ATP2C1: variants seen among roughly 807,000 people sequenced by gnomAD.
ATP2C1 encodes ATPase secretory pathway Ca2+ transporting 1.
A neutral mutation model predicts 120.5 loss-of-function variants in ATP2C1; 31 were observed. The observed-to-expected ratio is 0.26, with a 90% CI of 0.19 to 0.35. The LOEUF is 0.35. Ranked by LOEUF, ATP2C1 falls within the 10% of genes least tolerant of loss-of-function variation. The pLI is 1.00. For missense variants in ATP2C1, 731 were observed against 1,107.5 expected, an observed-to-expected ratio of 0.66 and a Z score of 4.83; for synonymous variants, 351 against 358.7, an observed-to-expected ratio of 0.98 and a Z score of 0.24.
rs572500864 is a variant in ATP2C1, at chr3:130,945,288, A to G, written c.531+3589A>G. ...TGATAACCAATGGATTGGTCGGACAATGACTTTAGATGAAGCAATCTTATT... is the reference window on the plus strand; with the variant it reads ...TGATAACCAATGGATTGGTCGGACAGTGACTTTAGATGAAGCAATCTTATT... On this transcript the variant is annotated intron_variant, in intron 8 of 27. Transcript: ENST00000510168. Among the ~76,000 whole-genome samples, 14 of 152,328 alleles carry G rather than the reference A, an allele frequency of 9.2e-5. No individual in the cohort carries two copies. In the East Asian group the frequency reaches 2.3e-3, roughly 25 times the overall value.
At chr3:130,913,971 C>T (rs964757333) in intron 2 of ATP2C1, among the ~76,000 whole-genome samples, 6 of 151,986 alleles carry the variant, frequency 3.9e-5, no homozygotes, top group African/African-American at 1.5e-4. Flanking sequence ...GATTGTTTTC[C>T]GAGGATTAAG....
chr3:130,856,332 T>A (rs1194214750), intron 1 of ATP2C1: 1 of 152,194 alleles, frequency 6.6e-6, no homozygotes, highest in Non-Finnish European at 1.5e-5. Context: ...TCATACTTAC[T>A]CTGAATGATA....
intron 1 of ATP2C1, among the ~76,000 whole-genome samples, chr3:130,866,065 A>T (rs767587325): frequency 2.6e-5 from 4 of 152,174 alleles, no homozygotes; most frequent in Non-Finnish European, 5.9e-5. Flanking sequence ...TTATATATGC[A>T]TAATTATCCT....
chr3:130,936,206 T>TG (rs2059662946), intron 5 of ATP2C1, among the ~76,000 whole-genome samples: 1 of 148,992 alleles, frequency 6.7e-6, no homozygotes, highest in Non-Finnish European at 1.5e-5. Flanking sequence ...CAAATGTGTG[T>TG]TTTTTTTAAA....
At chr3:130,917,952 T>C (rs562850006) in intron 2 of ATP2C1, among the ~76,000 whole-genome samples, 2 of 152,340 alleles carry the variant, frequency 1.3e-5, no homozygotes, top group East Asian at 1.9e-4. Context: ...GATTCACCCA[T>C]GTTGTGCCAT....
At chr3:130,971,544 T>C (rs148068030) in intron 17 of ATP2C1, among the ~76,000 whole-genome samples, 1 of 152,288 alleles carries the variant, frequency 6.6e-6, no homozygotes, top group East Asian at 1.9e-4. Flanking sequence ...CATGACAATA[T>C]ATATTTATCT....
chr3:130,913,750 T>C (rs2108155881), intron 2 of ATP2C1, among the ~76,000 whole-genome samples: 1 of 152,318 alleles, frequency 6.6e-6, no homozygotes, highest in Non-Finnish European at 1.5e-5. Flanking sequence ...ATTAGTCCCC[T>C]AAACTGGATT....
At chr3:130,931,260 G>T (rs2059437126) in intron 3 of ATP2C1, among the ~76,000 whole-genome samples, 1 of 151,942 alleles carries the variant, frequency 6.6e-6, no homozygotes, top group African/African-American at 2.4e-5. Flanking sequence ...CAACTATTTT[G>T]GGGGTACAGA....
At chr3:131,005,668 A>AT (rs568383246), downstream of ATP2C1, among the ~76,000 whole-genome samples, 478 of 152,104 alleles carry the variant, frequency 3.1e-3, 1 homozygote, top group Non-Finnish European at 4.8e-3. Context: ...ACAAGCATCC[A>AT]TTTTTTTTGT....
At chr3:131,005,452 C>G (rs754091598), downstream of ATP2C1, among the ~76,000 whole-genome samples, 2 of 152,070 alleles carry the variant, frequency 1.3e-5, no homozygotes, top group Non-Finnish European at 2.9e-5. Context: ...ATTGACATGA[C>G]TGGACAGGAG....
At position 130,934,854 on chromosome 3, in the gene ATP2C1, G is replaced by T; in HGVS notation, c.324+143G>T. 4 of 675,200 alleles carry T rather than the reference G, an allele frequency of 5.9e-6. No individual in the cohort carries two copies. In the South Asian group the frequency reaches 6.9e-5, roughly 12 times the overall value. 41.8% of individuals were successfully genotyped at this position (675,200 alleles called of 1,614,324 possible). A position where few individuals can be genotyped will look rare whatever the true frequency, so the allele number is the denominator to read the frequency against. On this transcript the variant is annotated intron_variant, in intron 5 of 27. Transcript: ENST00000510168. ...GCTTTTATTTTATTCTTTTTGTTGCGACAGTTTCTTGTTGTATTGCCCAGG... is the reference window on the plus strand; with the variant it reads ...GCTTTTATTTTATTCTTTTTGTTGCTACAGTTTCTTGTTGTATTGCCCAGG...
intron 20 of ATP2C1, among the ~76,000 whole-genome samples, chr3:130,989,259 A>AC (rs1463761987): frequency 6.9e-5 from 10 of 145,088 alleles, no homozygotes; most frequent in Non-Finnish European, 1.4e-4. Context: ...AAAAAAAAAA[A>AC]AACAAAAAAA....
At chr3:131,014,552 A>G (rs1309401795) in intron 26 of ATP2C1, among the ~76,000 whole-genome samples, 4 of 152,224 alleles carry the variant, frequency 2.6e-5, no homozygotes, top group Admixed American at 2.6e-4. Flanking sequence ...GAAGGAAGGA[A>G]CTGAGCTGGT....
intron 2 of ATP2C1, among the ~76,000 whole-genome samples, chr3:130,920,437 C>G (rs1167178250): frequency 1.3e-5 from 2 of 152,000 alleles, no homozygotes; most frequent in Admixed American, 1.3e-4. Flanking sequence ...CATTCCTTTC[C>G]TCATTGTATA....
At chr3:130,883,309 T>G (rs920407795) in intron 1 of ATP2C1, among the ~76,000 whole-genome samples, 4 of 152,188 alleles carry the variant, frequency 2.6e-5, no homozygotes, top group African/African-American at 9.6e-5. Flanking sequence ...TTTGTTTCAT[T>G]GACATTTTTA....
At chr3:130,904,336 G>A (rs572497649) in intron 2 of ATP2C1, among the ~76,000 whole-genome samples, 6 of 151,962 alleles carry the variant, frequency 3.9e-5, no homozygotes, top group African/African-American at 9.6e-5. Context: ...CATCTGTTAA[G>A]CTTTTCAGTC....
intron 1 of ATP2C1, among the ~76,000 whole-genome samples, chr3:130,855,402 T>G (rs945206757): frequency 6.6e-6 from 1 of 152,042 alleles, no homozygotes; most frequent in African/African-American, 2.4e-5. Context: ...AGCCGTGGGG[T>G]TGGAGGGTTC....
chr3:131,005,360 C>G (rs548317964), downstream of ATP2C1, among the ~76,000 whole-genome samples: 27 of 152,216 alleles, frequency 1.8e-4, 1 homozygote, highest in African/African-American at 6.5e-4. Context: ...TCAGGTGATC[C>G]ACCAGCCTTG....
intron 1 of ATP2C1, among the ~76,000 whole-genome samples, chr3:130,870,872 C>T (rs941092412): frequency 9.2e-5 from 14 of 152,174 alleles, no homozygotes; most frequent in African/African-American, 3.1e-4. Context: ...TCAGACAATA[C>T]AGAGAAATCA....
Sources: gnomAD v4.1 joint callset for allele counts (sites outside exome capture counted in the v4.1 genomes callset) on GRCh38, gnomAD v4.1.1 for gene constraint, MANE v1.5 for transcripts, NCBI Gene and HGNC (gene_info 2026-07-23, HGNC 2026-07-21) for gene names.